Variants in SENP6 observed in about 807,000 individuals in gnomAD.
The protein encoded by SENP6 is sentrin-specific protease 6.
SENP6 carries 41 observed loss-of-function variants against 134.5 expected under a neutral mutation model. The observed-to-expected ratio is 0.30, with a 90% CI of 0.24 to 0.40. The LOEUF (loss-of-function observed/expected upper bound fraction) is 0.40. SENP6 is among the 10% of genes least tolerant of loss of function. SENP6 has a pLI of 1.00. For synonymous variants in SENP6, 395 were observed against 429.8 expected (o/e 0.92, Z 1.00); for missense variants, 1,248 against 1,312.5 (o/e 0.95, Z 0.76).
intron 18 of SENP6, among the ~76,000 whole-genome samples, chr6:75,698,336 T>C (rs1294598368): frequency 6.6e-6 from 1 of 152,218 alleles, no homozygotes; most frequent in Non-Finnish European, 1.5e-5. Flanking sequence ...ATTTTGTGGT[T>C]TCCAACTGTG....
At chr6:75,697,947 C>A (rs1774767424) in intron 18 of SENP6, 1 of 155,464 alleles carries the variant, frequency 6.4e-6, no homozygotes, top group African/African-American at 2.4e-5. Context: ...CAATTAAAAA[C>A]CATGTGGACT....
chr6:75,686,658 C>G (rs1773863029), intron 16 of SENP6, among the ~76,000 whole-genome samples: 1 of 152,186 alleles, frequency 6.6e-6, no homozygotes, highest in Admixed American at 6.5e-5. Context: ...ACTTATGAAG[C>G]TTAGTTTGGC....
At chr6:75,686,624 T>C (rs572549999) in intron 16 of SENP6, among the ~76,000 whole-genome samples, 1 of 152,368 alleles carries the variant, frequency 6.6e-6, no homozygotes, top group South Asian at 2.1e-4. Flanking sequence ...TTGCTTTGTC[T>C]GTAAAGTATT....
chr6:75,679,109 C>G (rs1479524923), intron 16 of SENP6, 182 bp downstream of exon 16: 2 of 476,838 alleles, frequency 4.2e-6, no homozygotes, highest in African/African-American at 4.1e-5. Flanking sequence ...AGAATTCTAT[C>G]TAAAAAGTTG....
intron 5 of SENP6, among the ~76,000 whole-genome samples, chr6:75,637,578 G>A (rs1351518361): frequency 6.6e-6 from 1 of 152,068 alleles, no homozygotes; most frequent in African/African-American, 2.4e-5. Flanking sequence ...AATCTGACTT[G>A]TTGAAACAAC....
chr6:75,709,764 G>A, intron 20 of SENP6, 134 bp downstream of exon 20: 1 of 515,616 alleles, frequency 1.9e-6, no homozygotes, highest in Non-Finnish European at 3.4e-6. Flanking sequence ...GAGCCTAGGA[G>A]TTTGAGTTCA....
At chr6:75,636,198 G>A (rs972209066) in intron 5 of SENP6, among the ~76,000 whole-genome samples, 1 of 152,068 alleles carries the variant, frequency 6.6e-6, no homozygotes, top group Non-Finnish European at 1.5e-5. Context: ...CTGGTAAAAT[G>A]TTTCTTTAAA....
At chr6:75,648,002 T>G (rs1421599729) in intron 7 of SENP6, among the ~76,000 whole-genome samples, 1 of 152,230 alleles carries the variant, frequency 6.6e-6, no homozygotes, top group Non-Finnish European at 1.5e-5. Flanking sequence ...TGATTACAGT[T>G]TGAAATCTTT....
intron 11 of SENP6, 64 bp from the exon 12 acceptor site, chr6:75,675,371 T>TA: frequency 1.1e-6 from 1 of 930,424 alleles, no homozygotes. Flanking sequence ...AGTATTTGAA[T>TA]AAAAAAGTGA....
chr6:75,630,818 A>T (rs948876395), intron 3 of SENP6, among the ~76,000 whole-genome samples: 3 of 151,652 alleles, frequency 2.0e-5, no homozygotes, highest in Non-Finnish European at 4.4e-5. Context: ...TATTATTTCT[A>T]GACCTCCTAA....
chr6:75,691,131 T>C (rs1436229902), intron 16 of SENP6, among the ~76,000 whole-genome samples: 1 of 150,800 alleles, frequency 6.6e-6, no homozygotes, highest in Non-Finnish European at 1.5e-5. Flanking sequence ...GCGATTACCA[T>C]TCCCAGCTAA....
intron 8 of SENP6, 152 bp downstream of exon 8, chr6:75,659,559 C>G (rs1170887580): frequency 3.3e-6 from 2 of 603,094 alleles, no homozygotes; most frequent in Non-Finnish European, 5.6e-6. Context: ...TTCAGTAGAC[C>G]ATTTTTATGC....
intron 13 of SENP6, 132 bp from the exon 14 acceptor site, chr6:75,676,898 C>T: frequency 1.7e-6 from 1 of 592,238 alleles, no homozygotes; most frequent in Non-Finnish European, 3.0e-6. Context: ...CACTGTATGT[C>T]AGACATTGTT....
intron 16 of SENP6, among the ~76,000 whole-genome samples, chr6:75,691,295 A>G (rs1171815483): frequency 6.6e-6 from 1 of 151,914 alleles, no homozygotes; most frequent in African/African-American, 2.4e-5. Flanking sequence ...TGTGCGAGCT[A>G]CCACACTCTG....
At chr6:75,646,726 C>G (rs1377616707) in intron 6 of SENP6, 1 of 152,132 alleles carries the variant, frequency 6.6e-6, no homozygotes, top group African/African-American at 2.4e-5. Context: ...GTCCTAGCTA[C>G]TCGGGAGGCT....
intron 6 of SENP6, 32 bp downstream of exon 6, chr6:75,640,736 G>T: frequency 1.5e-6 from 2 of 1,325,164 alleles, no homozygotes; most frequent in Non-Finnish European, 2.1e-6. Flanking sequence ...TTAGAGCATG[G>T]ATATAGTGGT....
chr6:75,605,763 A>G (rs1766980414), intron 1 of SENP6, among the ~76,000 whole-genome samples: 1 of 152,206 alleles, frequency 6.6e-6, no homozygotes, highest in African/African-American at 2.4e-5. Context: ...GTTTGGCGCA[A>G]GGGGGTGTAA....
chr6:75,671,791 A>G (rs1175018816), intron 11 of SENP6, among the ~76,000 whole-genome samples: 1 of 152,186 alleles, frequency 6.6e-6, no homozygotes, highest in Non-Finnish European at 1.5e-5. Context: ...ATTTAATGTA[A>G]TGAATAATAA....
chr6:75,698,578 C>G (rs531262632), intron 18 of SENP6, among the ~76,000 whole-genome samples: 2,057 of 152,182 alleles, frequency 0.014, 21 homozygotes, highest in Middle Eastern at 0.034. Context: ...CAAGCCATCC[C>G]CCAACCTCAG....
Sources: gnomAD v4.1 joint callset for allele counts (sites outside exome capture counted in the v4.1 genomes callset) on GRCh38, gnomAD v4.1.1 for gene constraint, MANE v1.5 for transcripts, NCBI Gene and HGNC (gene_info 2026-07-23, HGNC 2026-07-21) for gene names.